ITGA1: variants seen among roughly 807,000 people sequenced by gnomAD.
ITGA1 encodes the protein integrin alpha-1.
Under a neutral mutation model 145.9 loss-of-function variants are expected in ITGA1, and 85 were observed. The observed-to-expected ratio is 0.58, with a 90% CI of 0.49 to 0.70. ITGA1 has a LOEUF of 0.70. ITGA1 is among the 30% of genes least tolerant of loss of function. ITGA1 has a pLI of 0.00. For synonymous variants in ITGA1, 520 were observed against 495.3 expected, an observed-to-expected ratio of 1.05 and a Z score of -0.66; for missense variants, 1,351 against 1,418.7, an observed-to-expected ratio of 0.95 and a Z score of 0.77.
intron 1 of ITGA1, chr5:52,799,842 A>G (rs936605096): frequency 1.3e-5 from 2 of 156,490 alleles, no homozygotes; most frequent in African/African-American, 4.8e-5. Context: ...GCAGGCAGGT[A>G]AAACTAGTAT....
chr5:52,849,298 C>T, intron 1 of ITGA1, 67 bp from the exon 2 acceptor site: 1 of 1,370,498 alleles, frequency 7.3e-7, no homozygotes, highest in East Asian at 2.4e-5. Context: ...ACCATGCCTT[C>T]CATAACTCAA....
At chr5:52,852,710 G>A (rs1363970799) in intron 2 of ITGA1, among the ~76,000 whole-genome samples, 1 of 152,134 alleles carries the variant, frequency 6.6e-6, no homozygotes, top group African/African-American at 2.4e-5. Flanking sequence ...TGTGTTAGTG[G>A]AAATGCCTAG....
At chr5:52,872,866 A>G (rs911188732) in intron 6 of ITGA1, among the ~76,000 whole-genome samples, 5 of 152,056 alleles carry the variant, frequency 3.3e-5, no homozygotes, top group African/African-American at 1.2e-4. Context: ...TCTTGAGAAA[A>G]ATGCCTTCCT....
Position 52,800,627 on chromosome 5 carries a change from C to T in ITGA1, c.61+12213C>T, listed in dbSNP as rs755880743. ...GAGGCCATCGACTTCGACTCTCAAGCCTGCCAGCTGCGGGTTAAGGGGACC... is the reference window on the plus strand; with the variant it reads ...GAGGCCATCGACTTCGACTCTCAAGTCTGCCAGCTGCGGGTTAAGGGGACC... On this transcript the variant is annotated intron_variant, in intron 1 of 28. Coordinates refer to ENST00000282588, the MANE Select transcript of ITGA1 (RefSeq NM_181501.2). 12 of 1,613,844 alleles carry T rather than the reference C, an allele frequency of 7.4e-6. No homozygotes were observed. In the African/African-American group the frequency reaches 1.2e-4, roughly 16 times the overall value.
At chr5:52,834,557 A>AGC (rs1260491566) in intron 1 of ITGA1, among the ~76,000 whole-genome samples, 2 of 78,574 alleles carry the variant, frequency 2.5e-5, no homozygotes, top group Non-Finnish European at 6.7e-5. Flanking sequence ...AGAGAAAGAG[A>AGC]GAGAGAAAGA....
intron 7 of ITGA1, among the ~76,000 whole-genome samples, chr5:52,885,235 G>A (rs6882082): frequency 1.3e-5 from 2 of 152,002 alleles, no homozygotes; most frequent in African/African-American, 4.8e-5. Context: ...TTGATCACAG[G>A]CATGATTGAT....
At chr5:52,839,517 G>A (rs1749219197) in intron 1 of ITGA1, among the ~76,000 whole-genome samples, 1 of 151,996 alleles carries the variant, frequency 6.6e-6, no homozygotes, top group African/African-American at 2.4e-5. Flanking sequence ...TCAATCTCAG[G>A]GTCAAGTCTT....
At chr5:52,836,127 A>G (rs1275440900) in intron 1 of ITGA1, among the ~76,000 whole-genome samples, 2 of 152,192 alleles carry the variant, frequency 1.3e-5, no homozygotes, top group Non-Finnish European at 2.9e-5. Flanking sequence ...GCCAGTAGAA[A>G]GTCAGTAAGT....
At chr5:52,902,306 T>A (rs1750328043) in intron 11 of ITGA1, 1 of 152,234 alleles carries the variant, frequency 6.6e-6, no homozygotes, top group African/African-American at 2.4e-5. Flanking sequence ...TGCAAGTGAA[T>A]TTGGTGGTGA....
At chr5:52,911,667 ATAGTGTAT>A (rs1750541769) in intron 14 of ITGA1, among the ~76,000 whole-genome samples, 1 of 132,102 alleles carries the variant, frequency 7.6e-6, no homozygotes, top group Admixed American at 8.0e-5. Context: ...TACTATACAT[ATAGTGTAT>A]CTACTATATA....
At chr5:52,866,837 T>G (rs1268518748) in intron 6 of ITGA1, among the ~76,000 whole-genome samples, 1 of 152,168 alleles carries the variant, frequency 6.6e-6, no homozygotes, top group Non-Finnish European at 1.5e-5. Flanking sequence ...GGCATATATA[T>G]TAAAATACAG....
Position 52,910,270 on chromosome 5 carries a change from C to T in ITGA1, c.1708C>T (p.Arg570Cys). The T allele has an allele frequency of 6.2e-7, 1 of 1,613,874 alleles. No individual in the cohort carries two copies. The highest frequency in any genetic ancestry group is 8.5e-7 in the Non-Finnish European group (1 of 1,179,916). ...TENKNEPCGARFGTAIAAVKD... is the reference protein window; with the variant it reads ...TENKNEPCGACFGTAIAAVKD... Reference sequence around the variant, plus strand: ...AAACAAAAATGAGCCATGCGGGGCTCGTTTTGGAACTGCAATTGCTGCTGT... The same window carrying T: ...AAACAAAAATGAGCCATGCGGGGCTTGTTTTGGAACTGCAATTGCTGCTGT... Residue 570 changes from arginine to cysteine, a missense_variant, in exon 14 of 29, where the codon CGT becomes TGT. Transcript: ENST00000282588.
chr5:52,874,231 G>A (rs1287568205), intron 6 of ITGA1, among the ~76,000 whole-genome samples: 1 of 152,100 alleles, frequency 6.6e-6, no homozygotes, highest in Admixed American at 6.5e-5. Flanking sequence ...AACACAAGAG[G>A]CAGCCTCGCT....
chr5:52,896,775 C>T (rs952563594), intron 9 of ITGA1, among the ~76,000 whole-genome samples: 1 of 152,106 alleles, frequency 6.6e-6, no homozygotes, highest in Non-Finnish European at 1.5e-5. Context: ...TGAATTATCT[C>T]TGCATTTCAG....
intron 1 of ITGA1, among the ~76,000 whole-genome samples, chr5:52,846,214 A>T (rs1749333316): frequency 6.6e-6 from 1 of 152,168 alleles, no homozygotes; most frequent in African/African-American, 2.4e-5. Context: ...CAGCCTGGCC[A>T]ACATGGCGAA....
Position 52,887,863 on chromosome 5 carries a change from AG to A in ITGA1, c.823del (p.Val275SerfsTer5), listed in dbSNP as rs1358860858. ...ARGARRGVKKVMVIVTDGESH... is the reference protein window; with the variant it reads ...ARGARRGVKKXMVIVTDGESH... ...GGGGTGCCCGAAGAGGAGTTAAAAA[AG>A]TCATGGTTATTGTGACAGATGGAGA... is the stretch of plus-strand genomic sequence containing the variant. On this transcript the variant is annotated frameshift_variant, in exon 8 of 29. Coordinates refer to ENST00000282588, the MANE Select transcript of ITGA1 (RefSeq NM_181501.2). LOFTEE classifies it high-confidence loss of function. 5.6e-6 allele frequency: 9 copies of A among 1,614,098 alleles called. No individual in the cohort carries two copies. Among genetic ancestry groups the A allele is most frequent in the Non-Finnish European group, 7.6e-6 (9 of 1,179,932 alleles).
intron 28 of ITGA1, chr5:52,949,042 GTTA>G (rs1367565389): frequency 3.3e-5 from 5 of 152,008 alleles, no homozygotes; most frequent in African/African-American, 1.2e-4. Context: ...AGCTTCTTAG[GTTA>G]TTATTAATAT....
chr5:52,944,595 G>C (rs773887134), intron 26 of ITGA1, among the ~76,000 whole-genome samples: 4 of 152,152 alleles, frequency 2.6e-5, no homozygotes, highest in African/African-American at 4.8e-5. Flanking sequence ...TCCTAAATAA[G>C]TGCCTAGATA....
intron 23 of ITGA1, among the ~76,000 whole-genome samples, chr5:52,935,274 C>T (rs1038869694): frequency 4.0e-5 from 6 of 151,730 alleles, no homozygotes; most frequent in Admixed American, 1.3e-4. Context: ...GTTTACTGCT[C>T]GGAATTTTCC....
Sources: gnomAD v4.1 joint callset for allele counts (sites outside exome capture counted in the v4.1 genomes callset) on GRCh38, gnomAD v4.1.1 for gene constraint, MANE v1.5 for transcripts, NCBI Gene and HGNC (gene_info 2026-07-23, HGNC 2026-07-21) for gene names.